The following PLCB1 variants were observed in gnomAD, a reference collection of about 807,000 sequenced individuals.
The protein encoded by PLCB1 is phospholipase C beta 1, also known as 1-phosphatidylinositol 4,5-bisphosphate phosphodiesterase beta-1.
PLCB1 carries 46 observed loss-of-function variants against 161.8 expected under a neutral mutation model. The observed-to-expected ratio is 0.28, with a 90% CI of 0.22 to 0.36. The LOEUF (loss-of-function observed/expected upper bound fraction) is 0.36, where lower values mean the gene tolerates loss of function less well. Ranked by LOEUF, PLCB1 falls within the 10% of genes least tolerant of loss-of-function variation. PLCB1 has a pLI of 1.00. For missense variants in PLCB1, 1,016 were observed against 1,472.5 expected (o/e 0.69, Z 5.07); for synonymous variants, 517 against 503.7 (o/e 1.03, Z -0.35).
intron 2 of PLCB1, among the ~76,000 whole-genome samples, chr20:8,226,690 ATTTTTT>A (rs575225666): frequency 2.1e-5 from 3 of 144,334 alleles, no homozygotes; most frequent in Admixed American, 1.4e-4. Context: ...AGTAAAACTA[ATTTTTT>A]TTTTTTTTTG....
Position 8,418,804 on chromosome 20 carries a change from T to G in PLCB1, c.246+47354T>G, listed in dbSNP as rs555750368. Among the ~76,000 whole-genome samples the G allele has an allele frequency of 2.6e-5, 4 of 152,300 alleles. No individual in the cohort carries two copies. In the South Asian group the frequency reaches 8.3e-4, roughly 32 times the overall value. Reference sequence around the variant, plus strand: ...TGGCTGAAACACACAGATGACTTTGTTGACTCTAACCCAACTATCCTAGAG... The same window carrying G: ...TGGCTGAAACACACAGATGACTTTGGTGACTCTAACCCAACTATCCTAGAG... On this transcript the variant is annotated intron_variant, in intron 3 of 31. Transcript: ENST00000338037.
intron 2 of PLCB1, among the ~76,000 whole-genome samples, chr20:8,298,365 A>T (rs1037111820): frequency 2.6e-5 from 4 of 151,968 alleles, no homozygotes; most frequent in Non-Finnish European, 5.9e-5. Flanking sequence ...CACAAGAGAC[A>T]AGAGTAATTG....
chr20:8,757,356 G>A (rs1195909191), intron 24 of PLCB1, among the ~76,000 whole-genome samples, 178 bp downstream of exon 24: 1 of 152,184 alleles, frequency 6.6e-6, no homozygotes, highest in Non-Finnish European at 1.5e-5. Context: ...AGTCATATGT[G>A]CTCATCTGGC....
intron 31 of PLCB1, among the ~76,000 whole-genome samples, chr20:8,812,109 T>G (rs1222818082): frequency 2.0e-5 from 3 of 152,066 alleles, no homozygotes; most frequent in Admixed American, 2.0e-4. Context: ...GGAAGTCAGA[T>G]CTGGGGGGCT....
intron 2 of PLCB1, among the ~76,000 whole-genome samples, chr20:8,285,899 T>C (rs1334469285): frequency 1.3e-5 from 2 of 152,250 alleles, no homozygotes; most frequent in African/African-American, 4.8e-5. Context: ...CTCTTCTCAC[T>C]AATATTTAGC....
At chr20:8,719,871 C>G (rs952537995) in intron 14 of PLCB1, among the ~76,000 whole-genome samples, 1 of 152,022 alleles carries the variant, frequency 6.6e-6, no homozygotes, top group African/African-American at 2.4e-5. Context: ...AAAAAAGTAG[C>G]CTGAGACTCT....
At chr20:8,849,770 T>G (rs1371362362) in intron 31 of PLCB1, among the ~76,000 whole-genome samples, 1 of 152,038 alleles carries the variant, frequency 6.6e-6, no homozygotes, top group East Asian at 1.9e-4. Flanking sequence ...ATCCCAGCAC[T>G]TTGGGAGGCC....
chr20:8,690,564 G>A (rs1448982241), intron 10 of PLCB1, among the ~76,000 whole-genome samples: 1 of 152,086 alleles, frequency 6.6e-6, no homozygotes, highest in Admixed American at 6.6e-5. Flanking sequence ...GGCAGTAGTT[G>A]GTCCATGAGA....
At chr20:8,699,973 G>T (rs1376972092) in intron 11 of PLCB1, among the ~76,000 whole-genome samples, 1 of 152,196 alleles carries the variant, frequency 6.6e-6, no homozygotes, top group Non-Finnish European at 1.5e-5. Context: ...GAAAATCAAT[G>T]TTTAATTCAT....
chr20:8,156,115 A>G (rs957147574), intron 2 of PLCB1, among the ~76,000 whole-genome samples: 3 of 152,180 alleles, frequency 2.0e-5, no homozygotes, highest in Non-Finnish European at 4.4e-5. Flanking sequence ...GTGGCTGGCC[A>G]GTGCCTGCAT....
intron 2 of PLCB1, among the ~76,000 whole-genome samples, chr20:8,267,959 T>TTTATTATTATTA (rs149671843): frequency 0.048 from 7,115 of 148,686 alleles, 218 homozygotes; most frequent in African/African-American, 0.088. Context: ...TCCATCTGTC[T>TTTATTATTATTA]TTATTATTAT....
chr20:8,603,109 G>T (rs138825716), intron 3 of PLCB1, among the ~76,000 whole-genome samples: 3 of 152,146 alleles, frequency 2.0e-5, no homozygotes, highest in African/African-American at 7.2e-5. Flanking sequence ...ATGACAAACA[G>T]GACAAATGCT....
rs149558935 is a variant in PLCB1, at chr20:8,303,112, A to G, written c.178-68270A>G. Among the ~76,000 whole-genome samples, 61 of 152,316 alleles carry G rather than the reference A, an allele frequency of 4.0e-4. 2 individuals are homozygous for G. In the East Asian group the frequency reaches 0.012, roughly 29 times the overall value. ...GTAAAAGTAGAATTGATTCCATATT[A>G]TATATCCTCTGTATGTCCCCGAAAT... On this transcript the variant is annotated intron_variant, in intron 2 of 31. Coordinates refer to ENST00000338037, the MANE Select transcript of PLCB1 (RefSeq NM_015192.4).
chr20:8,304,752 T>C (rs1020939426), intron 2 of PLCB1, among the ~76,000 whole-genome samples: 14 of 152,064 alleles, frequency 9.2e-5, no homozygotes, highest in African/African-American at 3.4e-4. Flanking sequence ...GTGTTCTAAG[T>C]GCTCCCATAA....
intron 7 of PLCB1, 111 bp from the exon 8 acceptor site, chr20:8,657,073 G>T: frequency 1.5e-6 from 1 of 688,540 alleles, no homozygotes; most frequent in East Asian, 2.6e-5. Context: ...AGAAGGTGAG[G>T]GAAGGGGGGA....
At chr20:8,394,455 C>A (rs1422459937) in intron 3 of PLCB1, among the ~76,000 whole-genome samples, 1 of 152,042 alleles carries the variant, frequency 6.6e-6, no homozygotes, top group Non-Finnish European at 1.5e-5. Flanking sequence ...GACTTTTATG[C>A]CCTGAAAGTG....
intron 3 of PLCB1, among the ~76,000 whole-genome samples, chr20:8,572,841 C>T (rs981856943): frequency 6.6e-6 from 1 of 152,116 alleles, no homozygotes; most frequent in African/African-American, 2.4e-5. Context: ...GCTGGCCCTG[C>T]ATTCATGTGG....
chr20:8,603,951 C>G (rs1987676526), intron 3 of PLCB1, among the ~76,000 whole-genome samples: 2 of 152,158 alleles, frequency 1.3e-5, no homozygotes, highest in Admixed American at 6.5e-5. Flanking sequence ...GGATTCTTCA[C>G]TTTAACAATG....
At position 8,452,704 on chromosome 20, in the gene PLCB1, G is replaced by A. The variant is rs190557341; in HGVS notation, c.246+81254G>A. Reference sequence around the variant, plus strand: ...CATTTGATTCTGTCCAAAGAGATGAGTACAGAAAAAGCCAAAGAGAAGAAA... The same window carrying A: ...CATTTGATTCTGTCCAAAGAGATGAATACAGAAAAAGCCAAAGAGAAGAAA... On this transcript the variant is annotated intron_variant, in intron 3 of 31. Transcript: ENST00000338037. 1.8e-4 allele frequency among the ~76,000 whole-genome samples: 28 copies of A among 152,300 alleles called. 1 individual carries two copies. The East Asian group carries it at 5.0e-3, about 27-fold the overall frequency.
Sources: allele counts gnomAD v4.1 joint callset (sites outside exome capture counted in the v4.1 genomes callset), GRCh38; gene constraint gnomAD v4.1.1; transcripts MANE v1.5; gene names NCBI Gene and HGNC (gene_info 2026-07-23, HGNC 2026-07-21).